Variants in ZFP92 observed in about 807,000 individuals in gnomAD.
ZFP92 encodes the protein ZFP92 zinc finger protein, also known as zinc finger protein 92 homolog.
A neutral mutation model predicts 7.6 loss-of-function variants in ZFP92; 2 were observed. The observed-to-expected ratio is 0.26, with a 90% CI of 0.11 to 0.83. The LOEUF is 0.83. Ranked by LOEUF, ZFP92 falls within the 40% of genes least tolerant of loss-of-function variation. The pLI is 0.65. For missense variants in ZFP92, 324 were observed against 408.3 expected, an observed-to-expected ratio of 0.79 and a Z score of 1.78; for synonymous variants, 226 against 183.6, an observed-to-expected ratio of 1.23 and a Z score of -1.87.
At chrX:153,412,265 G>A (rs1291405506) in intron 2 of ZFP92, among the ~76,000 whole-genome samples, 2 of 112,501 alleles carry the variant, frequency 1.8e-5, no homozygotes, top group Admixed American at 9.3e-5. Flanking sequence ...GCCGATGGAA[G>A]TGGTGGGCAA....
chrX:153,414,517 T>C (rs2088935161), intron 2 of ZFP92, among the ~76,000 whole-genome samples: 1 of 110,806 alleles, frequency 9.0e-6, no homozygotes, highest in Non-Finnish European at 1.9e-5. Flanking sequence ...CCAGCTAATT[T>C]TATGTATTTT....
At chrX:153,420,565 C>A (rs2088989998) in intron 5 of ZFP92, 78 bp from the exon 6 acceptor site, 3 of 1,093,690 alleles carry the variant, frequency 2.7e-6, no homozygotes, top group Non-Finnish European at 3.6e-6. Flanking sequence ...GCCCCATCCC[C>A]CTATGTTCTC....
chrX:153,420,518 C>A, intron 5 of ZFP92, 125 bp from the exon 6 acceptor site: 1 of 1,008,277 alleles, frequency 9.9e-7, no homozygotes, highest in Non-Finnish European at 1.3e-6. Context: ...TCTCTCCTGT[C>A]TGCCTGTGTG....
At chrX:153,416,713 C>T (rs145794430) in intron 2 of ZFP92, among the ~76,000 whole-genome samples, 93 of 111,995 alleles carry the variant, frequency 8.3e-4, no homozygotes, top group African/African-American at 3.0e-3. Flanking sequence ...TGTCCTAGTC[C>T]TCCTGTGTTG....
At chrX:153,412,075 GTGGCACCGCTGCCCAGGCACCGGCCC>G (rs2088912659) in intron 2 of ZFP92, among the ~76,000 whole-genome samples, 62 bp downstream of exon 2, 1 of 112,996 alleles carries the variant, frequency 8.8e-6, no homozygotes, top group Admixed American at 9.2e-5. Flanking sequence ...TTGTGAGGTT[GTGGCACCGCTGCCCAGGCACCGGCCC>G]TGAGGGTCTC....
chrX:153,424,337 T>G lies in ZFP92; in HGVS notation c.*2709T>G, dbSNP rs5986922. 9.2e-4 allele frequency: 103 copies of G among 112,501 alleles called. No individual in the cohort carries two copies. Among genetic ancestry groups the G allele is most frequent in the African/African-American group, 3.1e-3 (97 of 30,965 alleles). 9.3% of individuals were successfully genotyped at this position (112,501 alleles called of 1,213,427 possible). On this transcript the variant is annotated 3_prime_UTR_variant, in exon 6 of 6. Coordinates refer to ENST00000338647, the MANE Select transcript of ZFP92 (RefSeq NM_001136273.2). The stretch of plus-strand genomic sequence containing the variant: ...TCTAATTTAGCTCCCCATAATGACA[T>G]TCTCACTGCAAGGTGGTCATTGCTA...
chrX:153,419,067 T>C (rs782073259), intron 4 of ZFP92, among the ~76,000 whole-genome samples: 35 of 112,882 alleles, frequency 3.1e-4, no homozygotes, highest in Middle Eastern at 4.6e-3. Context: ...GTGTATAAAA[T>C]CGTGGATCGA....
chrX:153,414,013 G>A (rs1162355142), intron 2 of ZFP92, among the ~76,000 whole-genome samples: 6 of 112,528 alleles, frequency 5.3e-5, no homozygotes, highest in Non-Finnish European at 7.5e-5. Flanking sequence ...CTGCTCCCTT[G>A]GGGCTCAGAC....
Position 153,425,702 on chromosome X carries a change from C to T in ZFP92, c.*4074C>T, listed in dbSNP as rs1421005054. On this transcript the variant is annotated 3_prime_UTR_variant, in exon 6 of 6. Coordinates refer to ENST00000338647, the MANE Select transcript of ZFP92 (RefSeq NM_001136273.2). Reference sequence around the variant, plus strand: ...GGGGACGTCTTTGACACCAGGGCCCCAGCCACGTGTCTCAGGGGCTCCCAC... The same window carrying T: ...GGGGACGTCTTTGACACCAGGGCCCTAGCCACGTGTCTCAGGGGCTCCCAC... The T allele has an allele frequency of 2.7e-5, 3 of 111,280 alleles. No homozygotes were observed. The highest frequency in any genetic ancestry group is 3.8e-5 in the Non-Finnish European group (2 of 52,976). The allele number at this position is 111,280 out of a possible 1,213,427, so 9.2% of individuals were successfully genotyped here.
At chrX:153,414,652 TTAACCATTTTAA>T (rs2088936230) in intron 2 of ZFP92, among the ~76,000 whole-genome samples, 1 of 111,674 alleles carries the variant, frequency 9.0e-6, no homozygotes, top group Non-Finnish European at 1.9e-5. Context: ...CCCGGCCAAA[TTAACCATTTTAA>T]AGAGAACAAT....
At chrX:153,412,977 A>C (rs1556973202) in intron 2 of ZFP92, among the ~76,000 whole-genome samples, 1 of 111,408 alleles carries the variant, frequency 9.0e-6, no homozygotes, top group Non-Finnish European at 1.9e-5. Context: ...GGCTGCATGG[A>C]GGGCCCCGGT....
At position 153,426,239 on chromosome X, in the gene ZFP92, C is replaced by T. The variant is rs1346265256; in HGVS notation, c.*4611C>T. ...GGCTTGCTGTCACTATAGATTAATT[C>T]CCATTTTCTAGAATTCCATAGAAAT... On this transcript the variant is annotated 3_prime_UTR_variant, in exon 6 of 6. Transcript: ENST00000338647. 1.8e-5 allele frequency: 2 copies of T among 110,563 alleles called. No homozygotes were observed. The highest frequency in any genetic ancestry group is 6.6e-5 in the African/African-American group (2 of 30,368). The allele number at this position is 110,563 out of a possible 1,213,427, so 9.1% of individuals were successfully genotyped here. A position where few individuals can be genotyped will look rare whatever the true frequency, so the allele number is the denominator to read the frequency against.
At chrX:153,419,830 A>T (rs1237603007) in intron 4 of ZFP92, among the ~76,000 whole-genome samples, 1 of 112,220 alleles carries the variant, frequency 8.9e-6, no homozygotes, top group Admixed American at 9.4e-5. Flanking sequence ...GTGGAGTTGG[A>T]TGATGAAACA....
intron 4 of ZFP92, among the ~76,000 whole-genome samples, chrX:153,420,002 G>T (rs2088985076): frequency 8.9e-6 from 1 of 112,250 alleles, no homozygotes; most frequent in Admixed American, 9.4e-5. Context: ...TGTCCTCATG[G>T]CCCAAATCGC....
rs782699615 is a variant in ZFP92 at position 153,421,338 on chromosome X, G to A, written c.961G>A (p.Ala321Thr). Residue 321 changes from alanine to threonine, a missense_variant, in exon 6 of 6, where the codon GCG (alanine) becomes ACG (threonine). Coordinates refer to ENST00000338647, the MANE Select transcript of ZFP92 (RefSeq NM_001136273.2). ...QRSHSGERPF[A>T]CRECGKAFRG... ...CAGCCACAGCGGCGAGCGGCCCTTC[G>A]CGTGCCGCGAGTGCGGCAAGGCCTT... is the stretch of plus-strand genomic sequence containing the variant. The A allele has an allele frequency of 7.7e-6, 9 of 1,164,629 alleles. No homozygotes were observed. The highest frequency in any genetic ancestry group is 3.2e-5 in the East Asian group (1 of 30,917).
At position 153,417,761 on chromosome X, in the gene ZFP92, G is replaced by A. The variant is rs188733970; in HGVS notation, c.-18-544G>A. Among the ~76,000 whole-genome samples, 298 of 112,186 alleles carry A rather than the reference G, an allele frequency of 2.7e-3. 1 individual carries two copies. Among genetic ancestry groups the A allele is most frequent in the Admixed American group, 4.6e-3 (49 of 10,632 alleles). On this transcript the variant is annotated intron_variant, in intron 2 of 5. Transcript: ENST00000338647. The stretch of plus-strand genomic sequence containing the variant: ...ATGGTGCCCCCCAAAAAGACATATT[G>A]AAGTCTCAACTCCTGGTATCTGTGA...
chrX:153,419,137 C>G (rs782115223), intron 4 of ZFP92, among the ~76,000 whole-genome samples: 1 of 113,077 alleles, frequency 8.8e-6, no homozygotes, highest in South Asian at 3.6e-4. Flanking sequence ...TATGTGCACT[C>G]TTTTAGACTT....
intron 2 of ZFP92, 47 bp from the exon 3 acceptor site, chrX:153,418,258 C>T (rs1223473129): frequency 2.6e-6 from 3 of 1,157,699 alleles, no homozygotes; most frequent in Admixed American, 2.6e-5. Flanking sequence ...AGATTGGCTG[C>T]TCCAGGCTGC....
In ZFP92 at chrX:153,423,675, G is replaced by C. The variant is rs1556975901; in HGVS notation, c.*2047G>C. 8.8e-6 allele frequency: 1 copy of C among 113,585 alleles called. No homozygotes were observed. The highest frequency in any genetic ancestry group is 1.9e-5 in the Non-Finnish European group (1 of 53,493). 9.4% of individuals were successfully genotyped at this position (113,585 alleles called of 1,213,427 possible). A position where few individuals can be genotyped will look rare whatever the true frequency, so the allele number is the denominator to read the frequency against. On this transcript the variant is annotated 3_prime_UTR_variant, in exon 6 of 6. Transcript: ENST00000338647. The stretch of plus-strand genomic sequence containing the variant: ...CCTAGCACCTCAGACTCAGGCTTGG[G>C]ACCATTGTCGGCTCCAGCCTTGCCT...
Sources: allele counts gnomAD v4.1 joint callset (sites outside exome capture counted in the v4.1 genomes callset), GRCh38; gene constraint gnomAD v4.1.1; transcripts MANE v1.5; gene names NCBI Gene and HGNC (gene_info 2026-07-23, HGNC 2026-07-21).